GLRB: variants seen among roughly 807,000 people sequenced by gnomAD.
GLRB encodes the protein glycine receptor subunit beta.
A neutral mutation model predicts 54.2 loss-of-function variants in GLRB; 33 were observed. The observed-to-expected ratio is 0.61, with a 90% confidence interval of 0.46 to 0.81. GLRB has a LOEUF of 0.81. GLRB is among the 40% of genes least tolerant of loss of function. The pLI is 0.00. For missense variants in GLRB, 572 were observed against 584.6 expected, an observed-to-expected ratio of 0.98 and a Z score of 0.22; for synonymous variants, 209 against 208.2, an observed-to-expected ratio of 1.00 and a Z score of -0.03.
In GLRB at chr4:157,170,829, T is replaced by C; in HGVS notation, c.*101T>C. ...GAACTTTTGAATTTTCATAGCAACATTGCATTTTGGATGCCATTTGATTGT... is the reference window on the plus strand; with the variant it reads ...GAACTTTTGAATTTTCATAGCAACACTGCATTTTGGATGCCATTTGATTGT... On this transcript the variant is annotated 3_prime_UTR_variant, in exon 10 of 10. Transcript: ENST00000264428. The C allele has an allele frequency of 3.0e-6, 2 of 659,298 alleles. No individual in the cohort carries two copies. The highest frequency in any genetic ancestry group is 5.0e-6 in the Non-Finnish European group (2 of 397,524). 40.8% of individuals were successfully genotyped at this position (659,298 alleles called of 1,614,324 possible).
At chr4:157,121,104 G>A (rs1416779052) in intron 3 of GLRB, among the ~76,000 whole-genome samples, 2 of 151,428 alleles carry the variant, frequency 1.3e-5, no homozygotes, top group Non-Finnish European at 3.0e-5. Flanking sequence ...CTTACTTTTT[G>A]TTATTATTTC....
intron 2 of GLRB, among the ~76,000 whole-genome samples, chr4:157,117,685 AC>A (rs1419101462): frequency 1.3e-5 from 2 of 151,616 alleles, no homozygotes; most frequent in Non-Finnish European, 3.0e-5. Flanking sequence ...GGAACTGCTT[AC>A]CCCTTACAGC....
At chr4:157,112,899 G>A (rs1176603156) in intron 2 of GLRB, among the ~76,000 whole-genome samples, 1 of 151,910 alleles carries the variant, frequency 6.6e-6, no homozygotes, top group Non-Finnish European at 1.5e-5. Flanking sequence ...GGGCACTGCA[G>A]CATCCACCAT....
chr4:157,105,872 T>C (rs1223221147), intron 2 of GLRB, among the ~76,000 whole-genome samples: 1 of 152,116 alleles, frequency 6.6e-6, no homozygotes, highest in African/African-American at 2.4e-5. Context: ...TTTCATCTCT[T>C]TGCTTTCAGC....
intron 2 of GLRB, among the ~76,000 whole-genome samples, chr4:157,117,180 A>G (rs1430708459): frequency 1.3e-5 from 2 of 151,872 alleles, no homozygotes; most frequent in East Asian, 3.9e-4. Context: ...GGTAAAATAC[A>G]TATGCCCTAA....
chr4:157,138,497 T>C (rs983390235), intron 6 of GLRB, among the ~76,000 whole-genome samples: 2 of 152,216 alleles, frequency 1.3e-5, no homozygotes. Flanking sequence ...ATTAGCTTTT[T>C]ATTGATGACC....
intron 8 of GLRB, among the ~76,000 whole-genome samples, chr4:157,151,083 A>G (rs1403545430): frequency 6.6e-6 from 1 of 152,130 alleles, no homozygotes; most frequent in Non-Finnish European, 1.5e-5. Flanking sequence ...TAAAGTTTCT[A>G]ATCTATCAGG....
At chr4:157,110,322 C>T (rs2126505015) in intron 2 of GLRB, among the ~76,000 whole-genome samples, 1 of 149,418 alleles carries the variant, frequency 6.7e-6, no homozygotes, top group East Asian at 2.0e-4. Flanking sequence ...CTTATAAGAC[C>T]CTTTTCTTCA....
intron 2 of GLRB, among the ~76,000 whole-genome samples, chr4:157,086,164 G>T (rs77760428): frequency 0.046 from 7,053 of 152,170 alleles, 171 homozygotes; most frequent in African/African-American, 0.07. Context: ...ATCTGCCGTT[G>T]TTCCTAATCT....
chr4:157,131,928 A>G (rs1736229363), intron 4 of GLRB, among the ~76,000 whole-genome samples: 1 of 151,866 alleles, frequency 6.6e-6, no homozygotes, highest in South Asian at 2.1e-4. Context: ...GCAAATACCA[A>G]GGAGTGTGGT....
intron 9 of GLRB, among the ~76,000 whole-genome samples, chr4:157,161,818 C>A (rs2126622851): frequency 6.6e-6 from 1 of 152,258 alleles, no homozygotes; most frequent in Middle Eastern, 3.4e-3. Context: ...CTTGGAGTTG[C>A]TCTTCTCGTG....
intron 4 of GLRB, among the ~76,000 whole-genome samples, chr4:157,129,838 A>C (rs545942088): frequency 6.6e-6 from 1 of 151,758 alleles, no homozygotes; most frequent in South Asian, 2.1e-4. Flanking sequence ...GTGTGTTAGC[A>C]CTGTGTTGAG....
At chr4:157,144,098 A>T in intron 8 of GLRB, 139 bp downstream of exon 8, 1 of 825,380 alleles carries the variant, frequency 1.2e-6, no homozygotes, top group Admixed American at 2.0e-5. Context: ...TTTCTTCAAA[A>T]CTTGATATTG....
In GLRB at chr4:157,136,843, G is replaced by T. The variant is rs752345500; in HGVS notation, c.567G>T (p.Leu189Phe). The change falls in exon 6 of 10, where the codon TTG becomes TTT. Residue 189 changes from leucine (L) to phenylalanine (F), a missense_variant. Leu to Phe is a conservative substitution (Grantham distance 22). Transcript: ENST00000264428. ...ITLSCPLDLT[L>F]FPMDTQRCKM... is the part of the protein sequence containing the mutation. ...TTTCATGCCCTTTGGACTTGACATTGTTTCCCATGGATACACAACGTTGCA... is the reference window on the plus strand; with the variant it reads ...TTTCATGCCCTTTGGACTTGACATTTTTTCCCATGGATACACAACGTTGCA... The T allele has an allele frequency of 6.2e-7, 1 of 1,610,926 alleles. No individual in the cohort carries two copies. Among genetic ancestry groups the T allele is most frequent in the Non-Finnish European group, 8.5e-7 (1 of 1,177,264 alleles).
At position 157,138,960 on chromosome 4, in the gene GLRB, T is replaced by G. The variant is rs746886538; in HGVS notation, c.751+11T>G. On this transcript the variant is annotated intron_variant, in intron 7 of 9. Coordinates refer to ENST00000264428, the MANE Select transcript of GLRB (RefSeq NM_000824.5). ...ACTATAAAGGCACGGGTAAGTAATA[T>G]TCTTTAAATAAAACGAAGTTCTATT... 3 of 1,298,746 alleles carry G rather than the reference T, an allele frequency of 2.3e-6. No homozygotes were observed. The East Asian group carries it at 7.0e-5, about 30-fold the overall frequency. The allele number at this position is 1,298,746 out of a possible 1,614,324, so 80.5% of individuals were successfully genotyped here.
intron 2 of GLRB, chr4:157,091,228 A>G (rs1005183572): frequency 6.6e-6 from 1 of 152,180 alleles, no homozygotes; most frequent in African/African-American, 2.4e-5. Flanking sequence ...GGTACTCTCC[A>G]TTTTGTCATA....
Position 157,152,840 on chromosome 4 carries a change from T to C in GLRB, c.1027T>C (p.Ser343Pro). 6.2e-7 allele frequency: 1 copy of C among 1,614,076 alleles called. No individual in the cohort carries two copies. The highest frequency in any genetic ancestry group is 1.1e-5 in the South Asian group (1 of 91,078). The change falls in exon 9 of 10, where the codon TCC becomes CCC. Residue 343 changes from serine (S) to proline (P), a missense_variant. Coordinates refer to ENST00000264428, the MANE Select transcript of GLRB (RefSeq NM_000824.5). Reference sequence around the variant, plus strand: ...TGCTTGCCTTCTCTTTGGGTTTGCTTCCCTGGTGGAGTATGCAGTTGTCCA... The same window carrying C: ...TGCTTGCCTTCTCTTTGGGTTTGCTCCCCTGGTGGAGTATGCAGTTGTCCA... ...LIACLLFGFA[S>P]LVEYAVVQVM...
chr4:157,136,937 C>A, intron 6 of GLRB, 51 bp downstream of exon 6: 1 of 1,062,580 alleles, frequency 9.4e-7, no homozygotes, highest in South Asian at 1.3e-5. Context: ...TTTAAAATGT[C>A]TGGGTAATAC....
intron 8 of GLRB, 116 bp downstream of exon 8, chr4:157,144,075 G>A (rs1038705315): frequency 1.9e-5 from 20 of 1,052,294 alleles, no homozygotes; most frequent in Non-Finnish European, 2.5e-5. Context: ...CACCAATTTC[G>A]GTGTTTAAAG....
Sources: allele counts gnomAD v4.1 joint callset (sites outside exome capture counted in the v4.1 genomes callset), GRCh38; gene constraint gnomAD v4.1.1; transcripts MANE v1.5; gene names NCBI Gene and HGNC (gene_info 2026-07-23, HGNC 2026-07-21).